ZNF609: variants seen among roughly 807,000 people sequenced by gnomAD.
ZNF609 encodes the protein zinc finger protein 609.
In ZNF609, 11 loss-of-function variants were observed where a neutral mutation model predicts 109.5. The ratio of observed to expected loss-of-function variants is 0.10; its 90% CI spans 0.06 to 0.17. The LOEUF (loss-of-function observed/expected upper bound fraction) is 0.17, where lower values mean the gene tolerates loss of function less well. Among genes scored for constraint, ZNF609 ranks in the 10% least tolerant of loss-of-function variants. ZNF609 has a pLI of 1.00. For synonymous variants in ZNF609, 646 were observed against 662.0 expected, an observed-to-expected ratio of 0.98 and a Z score of 0.37; for missense variants, 1,559 against 1,772.4, an observed-to-expected ratio of 0.88 and a Z score of 2.16.
At chr15:64,536,285 G>C (rs927329278) in intron 2 of ZNF609, among the ~76,000 whole-genome samples, 2 of 152,134 alleles carry the variant, frequency 1.3e-5, no homozygotes, top group Non-Finnish European at 2.9e-5. Flanking sequence ...GCCTCCCAAA[G>C]TGTTGGGATT....
Position 64,680,695 on chromosome 15 carries a change from T to C in ZNF609, c.3995T>C (p.Val1332Ala), listed in dbSNP as rs2141020233. The stretch of plus-strand genomic sequence containing the variant: ...AGAGATCGAGGAGGCTGTGGGGTGG[T>C]TGGGGGTGGTGGCAGCTGTAGCAGC... ...QERDRGGCGV[V>A]GGGGSCSSVG... The change falls in exon 8 of 10, where the codon GTT (valine) becomes GCT (alanine). Residue 1332 changes from valine (V) to alanine (A), a missense_variant. By Grantham distance (64) the Val-to-Ala change is moderately conservative. This residue lies in a region of ZNF609 where 1,204 missense variants were observed against 1,314.1 expected (regional missense o/e 0.92). Transcript: ENST00000326648. 3 of 1,611,580 alleles carry C rather than the reference T, an allele frequency of 1.9e-6. No homozygotes were observed. Among genetic ancestry groups the C allele is most frequent in the South Asian group, 1.1e-5 (1 of 90,864 alleles).
At chr15:64,681,461 G>A in intron 9 of ZNF609, 74 bp downstream of exon 9, 2 of 1,283,718 alleles carry the variant, frequency 1.6e-6, no homozygotes, top group East Asian at 2.3e-5. Flanking sequence ...GAATCCCTAG[G>A]TGAGAAATAG....
intron 2 of ZNF609, among the ~76,000 whole-genome samples, chr15:64,510,802 C>CT (rs1204939326): frequency 2.0e-5 from 3 of 152,038 alleles, no homozygotes; most frequent in Non-Finnish European, 4.4e-5. Flanking sequence ...GTGAAATACT[C>CT]TAATTGCTTT....
At chr15:64,503,626 T>C (rs908704569) in intron 2 of ZNF609, among the ~76,000 whole-genome samples, 1 of 152,164 alleles carries the variant, frequency 6.6e-6, no homozygotes, top group Non-Finnish European at 1.5e-5. Flanking sequence ...CCAAATCATA[T>C]AAAATAGCCA....
intron 2 of ZNF609, among the ~76,000 whole-genome samples, chr15:64,583,550 T>G (rs1366794963): frequency 6.6e-6 from 1 of 152,024 alleles, no homozygotes; most frequent in Non-Finnish European, 1.5e-5. Flanking sequence ...CATTTTTCCC[T>G]TAGAGGAATC....
At chr15:64,546,924 G>C (rs987936208) in intron 2 of ZNF609, among the ~76,000 whole-genome samples, 3 of 151,360 alleles carry the variant, frequency 2.0e-5, no homozygotes, top group Non-Finnish European at 2.9e-5. Context: ...CCGAGTAGCT[G>C]GGACCACAGG....
At chr15:64,591,200 C>CTGGCGGATCA (rs1276985595) in intron 2 of ZNF609, among the ~76,000 whole-genome samples, 18 of 152,114 alleles carry the variant, frequency 1.2e-4, no homozygotes, top group Admixed American at 1.0e-3. Flanking sequence ...GAGACCAAGG[C>CTGGCGGATCA]TGGCGGATCA....
chr15:64,573,527 T>A (rs1278148560), intron 2 of ZNF609, among the ~76,000 whole-genome samples: 2 of 130,714 alleles, frequency 1.5e-5, no homozygotes, highest in Non-Finnish European at 3.1e-5. Flanking sequence ...GCTAATTTAA[T>A]TTTTTTTTTT....
chr15:64,563,773 TCAAAACAAAA>T (rs370070824), intron 2 of ZNF609, among the ~76,000 whole-genome samples: 203 of 151,278 alleles, frequency 1.3e-3, no homozygotes, highest in Admixed American at 2.2e-3. Flanking sequence ...AAACTCTGTC[TCAAAACAAAA>T]CAAAACAAAA....
chr15:64,488,884 G>A (rs1379352283), intron 1 of ZNF609, among the ~76,000 whole-genome samples: 3 of 150,464 alleles, frequency 2.0e-5, no homozygotes, highest in African/African-American at 4.9e-5. Flanking sequence ...ACCAGTCTGG[G>A]TGACAAAGAG....
At chr15:64,589,960 G>A (rs1010581826) in intron 2 of ZNF609, among the ~76,000 whole-genome samples, 1 of 152,180 alleles carries the variant, frequency 6.6e-6, no homozygotes, top group Non-Finnish European at 1.5e-5. Context: ...AAAATTAGAT[G>A]TGGTATGGTT....
Position 64,499,857 on chromosome 15 carries a change from G to A in ZNF609, c.438G>A (p.Ala146=), listed in dbSNP as rs778288032. Residue 146 remains alanine (A), a synonymous_variant, in exon 2 of 10, where the codon GCG becomes GCA. Coordinates refer to ENST00000326648, the MANE Select transcript of ZNF609 (RefSeq NM_015042.2). ...TTGCTCCCAAGGGCTCAGAGAAGGC[G>A]GCTAAGGCATCCCGCAGTGTAGCCG... ...AAIAPKGSEK[A]AKASRSVAGS... is the part of the protein sequence containing the mutation. The A allele has an allele frequency of 3.0e-5, 49 of 1,614,042 alleles. No individual in the cohort carries two copies. Among genetic ancestry groups the A allele is most frequent in the Admixed American group, 5.0e-5 (3 of 59,974 alleles).
intron 2 of ZNF609, among the ~76,000 whole-genome samples, chr15:64,616,389 A>G (rs372792197): frequency 8.4e-4 from 128 of 152,034 alleles, no homozygotes; most frequent in Non-Finnish European, 6.0e-4. Context: ...AAGTAGGTAT[A>G]TAGTTATAAT....
intron 1 of ZNF609, among the ~76,000 whole-genome samples, chr15:64,474,691 G>T (rs1893141775): frequency 6.6e-6 from 1 of 152,110 alleles, no homozygotes; most frequent in African/African-American, 2.4e-5. Context: ...GTCCTGTTTG[G>T]ACTTGTAGTC....
At chr15:64,485,653 A>T (rs944746272) in intron 1 of ZNF609, among the ~76,000 whole-genome samples, 50 of 151,228 alleles carry the variant, frequency 3.3e-4, no homozygotes, top group East Asian at 1.6e-3. Flanking sequence ...TTTTTTTTTT[A>T]AATTCACTGG....
intron 2 of ZNF609, among the ~76,000 whole-genome samples, chr15:64,590,389 T>C (rs973799203): frequency 3.3e-5 from 5 of 152,122 alleles, no homozygotes; most frequent in African/African-American, 1.2e-4. Context: ...TGGCATGATA[T>C]CAGCTCACTG....
chr15:64,626,277 C>T (rs971619735), intron 3 of ZNF609, among the ~76,000 whole-genome samples: 3 of 152,008 alleles, frequency 2.0e-5, no homozygotes, highest in Non-Finnish European at 4.4e-5. Flanking sequence ...TGTCAGTTGG[C>T]GAAGGTCTGA....
intron 2 of ZNF609, 112 bp downstream of exon 2, chr15:64,500,278 A>G (rs1219773264): frequency 1.4e-6 from 2 of 1,395,856 alleles, no homozygotes; most frequent in South Asian, 1.2e-5. Flanking sequence ...GTGGGTAATG[A>G]CCAATTACAA....
In ZNF609 at chr15:64,680,747, G is replaced by C; in HGVS notation, c.4047G>C (p.Arg1349=). 6.2e-7 allele frequency: 1 copy of C among 1,613,622 alleles called. No individual in the cohort carries two copies. The highest frequency in any genetic ancestry group is 8.5e-7 in the Non-Finnish European group (1 of 1,179,996). ...TCGGGGGAGCAAGTGGGGGTGAACG[G>C]AGTGTTGACCGGCCCCGCACCTCTC... is the stretch of plus-strand genomic sequence containing the variant. ...SSVGGASGGE[R]SVDRPRTSPS... is the part of the protein sequence containing the mutation. The change falls in exon 8 of 10, where the codon CGG becomes CGC. Residue 1349 remains arginine (R), a synonymous_variant. Coordinates refer to ENST00000326648, the MANE Select transcript of ZNF609 (RefSeq NM_015042.2).
Sources: allele counts gnomAD v4.1 joint callset (sites outside exome capture counted in the v4.1 genomes callset), GRCh38; gene constraint gnomAD v4.1.1; regional missense constraint gnomAD v4.1.1; transcripts MANE v1.5; gene names NCBI Gene and HGNC (gene_info 2026-07-23, HGNC 2026-07-21).